Variants in BIRC6 observed in about 807,000 individuals in gnomAD.
BIRC6 encodes the protein baculoviral IAP repeat containing 6, also known as dual E2 ubiquitin-conjugating enzyme/E3 ubiquitin-protein ligase BIRC6.
A neutral mutation model predicts 503.3 loss-of-function variants in BIRC6; 98 were observed. That is an observed-to-expected ratio of 0.19 (90% CI 0.17 to 0.23). BIRC6 has a LOEUF of 0.23. BIRC6 is among the 10% of genes least tolerant of loss of function. BIRC6 has a pLI of 1.00. For missense variants in BIRC6, 5,360 were observed against 5,806.0 expected, an observed-to-expected ratio of 0.92 and a Z score of 2.50; for synonymous variants, 2,240 against 2,078.7, an observed-to-expected ratio of 1.08 and a Z score of -2.11.
intron 10 of BIRC6, among the ~76,000 whole-genome samples, chr2:32,416,861 A>G (rs1272709562): frequency 7.4e-6 from 1 of 135,962 alleles, no homozygotes; most frequent in African/African-American, 2.8e-5. Flanking sequence ...TTTGAGAGGA[A>G]GTTTCATTCT....
intron 15 of BIRC6, 95 bp from the exon 16 acceptor site, chr2:32,439,413 G>C (rs1035549405): frequency 8.1e-7 from 1 of 1,227,972 alleles, no homozygotes; most frequent in Non-Finnish European, 1.1e-6. Flanking sequence ...TGTACTTTTT[G>C]TGGAGTTAGT....
rs116616995 is a variant in BIRC6 at position 32,552,332 on chromosome 2, G to A, written c.13144+2851G>A. 3.1e-3 allele frequency among the ~76,000 whole-genome samples: 475 copies of A among 152,260 alleles called. 1 individual carries two copies. Among genetic ancestry groups the A allele is most frequent in the Middle Eastern group, 0.014 (4 of 294 alleles). On this transcript the variant is annotated intron_variant, in intron 65 of 73. Transcript: ENST00000421745. ...AACCTTCAAGTTCTCATATTAATGA[G>A]TTTACTATGTAGCTGGTTAGCTAAG...
At chr2:32,371,505 G>C (rs981516295) in intron 1 of BIRC6, among the ~76,000 whole-genome samples, 1 of 151,856 alleles carries the variant, frequency 6.6e-6, no homozygotes, top group African/African-American at 2.4e-5. Context: ...CTTCCGAGCA[G>C]CTGGGACTAC....
intron 73 of BIRC6, among the ~76,000 whole-genome samples, chr2:32,613,651 C>T (rs1041775590): frequency 6.6e-6 from 1 of 152,014 alleles, no homozygotes; most frequent in Admixed American, 6.6e-5. Flanking sequence ...CACCGCGCCC[C>T]GCCTGACTGA....
chr2:32,519,489 G>C (rs2055409111), intron 57 of BIRC6, among the ~76,000 whole-genome samples: 1 of 151,960 alleles, frequency 6.6e-6, no homozygotes, highest in African/African-American at 2.4e-5. Context: ...GTTTTTGATG[G>C]CAAAGGCATA....
At chr2:32,429,373 A>G in intron 11 of BIRC6, 78 bp downstream of exon 11, 2 of 1,107,570 alleles carry the variant, frequency 1.8e-6, no homozygotes, top group Non-Finnish European at 2.4e-6. Context: ...TGGAAGATGT[A>G]AACATATTAA....
chr2:32,429,004 A>C, intron 10 of BIRC6, 142 bp from the exon 11 acceptor site: 1 of 711,210 alleles, frequency 1.4e-6, no homozygotes, highest in Non-Finnish European at 2.1e-6. Context: ...TTAAATTTCT[A>C]AACTCTTGGA....
chr2:32,440,626 A>G (rs1282405277), intron 16 of BIRC6, among the ~76,000 whole-genome samples: 1 of 152,114 alleles, frequency 6.6e-6, no homozygotes, highest in Non-Finnish European at 1.5e-5. Context: ...TCTTCATTAT[A>G]ACTCTGAAGT....
rs1163655366 is a variant in BIRC6, at chr2:32,507,990, C to T, written c.9711C>T (p.Ser3237=). The change falls in exon 51 of 74, where the codon TCC becomes TCT. Residue 3237 remains serine, a synonymous_variant. Coordinates refer to ENST00000421745, the MANE Select transcript of BIRC6 (RefSeq NM_016252.4). ...TTTCTCTTTTTATAGCCTGCCCTTC[C>T]TCAGTGTCTGTTGAAGTAAGTGCAG... The part of the protein sequence containing the change: ...PHLASLATCP[S]SVSVEVSADG... 2.5e-6 allele frequency: 4 copies of T among 1,612,846 alleles called. No homozygotes were observed. Among genetic ancestry groups the T allele is most frequent in the Non-Finnish European group, 2.5e-6 (3 of 1,179,246 alleles).
At chr2:32,486,365 A>G (rs1041671633) in intron 40 of BIRC6, among the ~76,000 whole-genome samples, 2 of 152,242 alleles carry the variant, frequency 1.3e-5, no homozygotes, top group Admixed American at 1.3e-4. Context: ...CAATATGTAA[A>G]TGAATGGGTA....
intron 53 of BIRC6, among the ~76,000 whole-genome samples, chr2:32,512,445 C>T (rs2054544171): frequency 6.6e-6 from 1 of 151,912 alleles, no homozygotes; most frequent in Non-Finnish European, 1.5e-5. Flanking sequence ...AATGTTAGTT[C>T]TAAATGACAG....
intron 53 of BIRC6, among the ~76,000 whole-genome samples, chr2:32,511,508 T>G (rs959690115): frequency 1.2e-4 from 18 of 146,478 alleles, no homozygotes; most frequent in African/African-American, 4.3e-4. Context: ...TTTTTTGTAT[T>G]TTTAGTAGAG....
chr2:32,544,415 CTG>C (rs1265005419), intron 62 of BIRC6, among the ~76,000 whole-genome samples: 2 of 150,932 alleles, frequency 1.3e-5, no homozygotes, highest in Non-Finnish European at 2.9e-5. Context: ...AATAGAAAAA[CTG>C]AAGAATTACA....
chr2:32,500,061 T>G lies in BIRC6; in HGVS notation c.8983T>G (p.Leu2995Val). 6.2e-7 allele frequency: 1 copy of G among 1,613,922 alleles called. No homozygotes were observed. The highest frequency in any genetic ancestry group is 8.5e-7 in the Non-Finnish European group (1 of 1,179,826). Residue 2995 changes from leucine to valine, a missense_variant, in exon 46 of 74, where the codon TTG becomes GTG. Physicochemically the swap from Leu to Val is conservative, Grantham distance 32. Coordinates refer to ENST00000421745, the MANE Select transcript of BIRC6 (RefSeq NM_016252.4). The part of the protein sequence containing the change: ...LANQQIMSQI[L>V]SALGLCNSSA... ...CAACCAACAAATTATGAGCCAGATT[T>G]TGTCTGCTCTGGGCCTGTGTAATAG...
intron 60 of BIRC6, among the ~76,000 whole-genome samples, chr2:32,530,515 A>G (rs2056649417): frequency 6.6e-6 from 1 of 152,176 alleles, no homozygotes; most frequent in African/African-American, 2.4e-5. Context: ...CGGCCCTTAT[A>G]TTCCATTAAA....
intron 65 of BIRC6, among the ~76,000 whole-genome samples, chr2:32,569,437 G>C (rs960977088): frequency 1.3e-5 from 2 of 152,112 alleles, no homozygotes; most frequent in African/African-American, 4.8e-5. Flanking sequence ...AGTGCTATCA[G>C]AGCTCACTGT....
chr2:32,388,780 C>A lies in BIRC6; in HGVS notation c.676C>A (p.His226Asn). The A allele has an allele frequency of 6.2e-7, 1 of 1,607,164 alleles. No individual in the cohort carries two copies. The highest frequency in any genetic ancestry group is 1.3e-5 in the African/African-American group (1 of 74,798). Residue 226 changes from histidine (H) to asparagine (N), a missense_variant, in exon 4 of 74, where the codon CAT (histidine) becomes AAT (asparagine). Around this residue, in one of 16 missense-constraint regions of BIRC6, gnomAD observed 134 missense variants for 150.9 expected, o/e 0.89. Coordinates refer to ENST00000421745, the MANE Select transcript of BIRC6 (RefSeq NM_016252.4). The stretch of plus-strand genomic sequence containing the variant: ...CACAGTTACATTTCATCTTCCTCAT[C>A]ATGTGTTGAAGTCCATTGCCAGTGC... ...WATVTFHLPHHVLKSIASAIV... is the reference protein window; with the variant it reads ...WATVTFHLPHNVLKSIASAIV...
intron 46 of BIRC6, among the ~76,000 whole-genome samples, chr2:32,501,493 T>G (rs2149468632): frequency 6.6e-6 from 1 of 152,354 alleles, no homozygotes; most frequent in East Asian, 1.9e-4. Context: ...TTTAGACAGC[T>G]ATTATATATT....
intron 9 of BIRC6, 134 bp from the exon 10 acceptor site, chr2:32,414,635 C>A: frequency 1.4e-6 from 1 of 690,220 alleles, no homozygotes; most frequent in Non-Finnish European, 2.1e-6. Context: ...CCACTGCACT[C>A]TAGCCTGTGT....
Sources: allele counts gnomAD v4.1 joint callset (sites outside exome capture counted in the v4.1 genomes callset), GRCh38; gene constraint gnomAD v4.1.1; regional missense constraint gnomAD v4.1.1; transcripts MANE v1.5; gene names NCBI Gene and HGNC (gene_info 2026-07-23, HGNC 2026-07-21).